Variants in TRAF3 observed in about 807,000 individuals in gnomAD.
TRAF3 encodes TNF receptor associated factor 3, also known as TNF receptor-associated factor 3.
Under a neutral mutation model 62.3 loss-of-function variants are expected in TRAF3, and 13 were observed. The observed-to-expected ratio is 0.21, with a 90% CI of 0.14 to 0.33. The LOEUF is 0.33. TRAF3 is among the 10% of genes least tolerant of loss of function. The pLI is 1.00. For missense variants in TRAF3, 440 were observed against 741.8 expected (o/e 0.59, Z 4.73); for synonymous variants, 269 against 283.4 (o/e 0.95, Z 0.51).
chr14:102,860,122 C>T (rs1189227772), intron 2 of TRAF3, among the ~76,000 whole-genome samples: 1 of 152,226 alleles, frequency 6.6e-6, no homozygotes, highest in Non-Finnish European at 1.5e-5. Context: ...CCATACCTTC[C>T]AGGTGGCCAA....
intron 1 of TRAF3, among the ~76,000 whole-genome samples, chr14:102,828,815 G>A (rs1900479988): frequency 6.6e-6 from 1 of 152,132 alleles, no homozygotes; most frequent in African/African-American, 2.4e-5. Flanking sequence ...GAAGAGATCT[G>A]CTTTTTCTTT....
intron 2 of TRAF3, among the ~76,000 whole-genome samples, chr14:102,855,914 A>G (rs1887337680): frequency 6.6e-6 from 1 of 151,826 alleles, no homozygotes; most frequent in African/African-American, 2.4e-5. Flanking sequence ...CAATATAATG[A>G]CACCCCGTCT....
intron 1 of TRAF3, among the ~76,000 whole-genome samples, chr14:102,785,750 G>T (rs147229417): frequency 9.9e-4 from 151 of 152,320 alleles, no homozygotes; most frequent in African/African-American, 3.5e-3. Flanking sequence ...ACCAGGAGGG[G>T]TCAGTGGTGG....
At chr14:102,834,674 C>T (rs1350031290) in intron 2 of TRAF3, among the ~76,000 whole-genome samples, 4 of 122,314 alleles carry the variant, frequency 3.3e-5, no homozygotes, top group East Asian at 2.3e-4. Flanking sequence ...GGTGACAGAG[C>T]GAGACTCCGT....
rs576479734 is a variant in TRAF3 at position 102,847,366 on chromosome 14, C to T, written c.-18+16894C>T. On this transcript the variant is annotated intron_variant, in intron 2 of 11. Transcript: ENST00000392745. ...ATTCTTGTATTTTTGGTAGAGATGG[C>T]GTTTTACCATATTGGCCCGGCTGGT... Among the ~76,000 whole-genome samples the T allele has an allele frequency of 3.3e-5, 5 of 152,098 alleles. No homozygotes were observed. In the South Asian group the frequency reaches 8.3e-4, roughly 25 times the overall value.
chr14:102,875,830 G>A, intron 5 of TRAF3, 102 bp downstream of exon 5: 1 of 994,758 alleles, frequency 1.0e-6, no homozygotes, highest in South Asian at 1.3e-5. Flanking sequence ...TTAAGACCAT[G>A]TTGACATTAG....
intron 1 of TRAF3, among the ~76,000 whole-genome samples, chr14:102,802,079 G>A (rs1898464336): frequency 6.9e-6 from 1 of 144,624 alleles, no homozygotes; most frequent in African/African-American, 2.6e-5. Flanking sequence ...TTCTGGTCTT[G>A]AACTCCTAGT....
chr14:102,888,136 A>G (rs2139928369), intron 7 of TRAF3, among the ~76,000 whole-genome samples: 1 of 152,368 alleles, frequency 6.6e-6, no homozygotes, highest in South Asian at 2.1e-4. Flanking sequence ...AACATGTAAT[A>G]GCGTTGACAC....
intron 1 of TRAF3, among the ~76,000 whole-genome samples, chr14:102,793,574 A>T (rs1471169556): frequency 6.6e-6 from 1 of 152,218 alleles, no homozygotes; most frequent in East Asian, 1.9e-4. Flanking sequence ...GGCTGGGATG[A>T]TGATGATTGT....
chr14:102,834,553 G>A (rs187686884), intron 2 of TRAF3, among the ~76,000 whole-genome samples: 2 of 151,978 alleles, frequency 1.3e-5, no homozygotes, highest in Non-Finnish European at 2.9e-5. Context: ...CGGGCGTGGT[G>A]GCGGGCGCCT....
At chr14:102,795,617 T>TGTGTGTGTGTGTGTGC (rs33948608) in intron 1 of TRAF3, among the ~76,000 whole-genome samples, 1 of 143,538 alleles carries the variant, frequency 7.0e-6, no homozygotes, top group African/African-American at 3.0e-5. Flanking sequence ...TGTGTGTGTG[T>TGTGTGTGTGTGTGTGC]GTGCATAGTT....
rs549443346 is a variant in TRAF3 at position 102,810,897 on chromosome 14, C to T, written c.-156-19437C>T. ...CGAGTCCATTACACATTCTGGATTC[C>T]CAGAAATAAGACATCTCTGAGGGCA... On this transcript the variant is annotated intron_variant, in intron 1 of 11. Coordinates refer to ENST00000392745, the MANE Select transcript of TRAF3 (RefSeq NM_145725.3). Among the ~76,000 whole-genome samples the T allele has an allele frequency of 2.0e-5, 3 of 152,134 alleles. No individual in the cohort carries two copies. In the East Asian group the frequency reaches 5.8e-4, roughly 29 times the overall value.
chr14:102,865,797 G>T (rs1226829918), intron 2 of TRAF3: 1 of 152,182 alleles, frequency 6.6e-6, no homozygotes, highest in African/African-American at 2.4e-5. Flanking sequence ...ACTGTGACTG[G>T]CCTAATAAAA....
chr14:102,781,856 G>A (rs1897287747), intron 1 of TRAF3, among the ~76,000 whole-genome samples: 1 of 149,944 alleles, frequency 6.7e-6, no homozygotes, highest in African/African-American at 2.5e-5. Flanking sequence ...GCAGTGGCGC[G>A]ATCTCAGCTC....
intron 1 of TRAF3, among the ~76,000 whole-genome samples, chr14:102,786,895 G>A (rs1315813625): frequency 6.6e-6 from 1 of 152,190 alleles, no homozygotes; most frequent in Non-Finnish European, 1.5e-5. Context: ...TCAGGAGGCT[G>A]ATGCGGGAGG....
chr14:102,842,162 T>C (rs1025836934), intron 2 of TRAF3, among the ~76,000 whole-genome samples: 22 of 151,880 alleles, frequency 1.4e-4, no homozygotes, highest in Non-Finnish European at 4.4e-5. Flanking sequence ...GAGGATCACT[T>C]GAACCCGGGA....
At chr14:102,808,737 T>A (rs1445920657) in intron 1 of TRAF3, among the ~76,000 whole-genome samples, 1 of 152,192 alleles carries the variant, frequency 6.6e-6, no homozygotes, top group Non-Finnish European at 1.5e-5. Context: ...AAATATGTCC[T>A]CTGAGTCGAA....
chr14:102,843,361 G>A (rs374697341), intron 2 of TRAF3, among the ~76,000 whole-genome samples: 1 of 152,016 alleles, frequency 6.6e-6, no homozygotes, highest in Admixed American at 6.6e-5. Context: ...TTTGGAGACA[G>A]GATCTCACTC....
At chr14:102,889,392 G>A (rs920384118) in intron 7 of TRAF3, among the ~76,000 whole-genome samples, 168 bp from the exon 8 acceptor site, 6 of 152,200 alleles carry the variant, frequency 3.9e-5, no homozygotes, top group African/African-American at 1.4e-4. Flanking sequence ...CACGTGACTA[G>A]ACCGTATATT....
Sources: gnomAD v4.1 joint callset for allele counts (sites outside exome capture counted in the v4.1 genomes callset) on GRCh38, gnomAD v4.1.1 for gene constraint, MANE v1.5 for transcripts, NCBI Gene and HGNC (gene_info 2026-07-23, HGNC 2026-07-21) for gene names.